The following ASTN2 variants were observed in gnomAD, a reference collection of about 807,000 sequenced individuals.
ASTN2 encodes astrotactin-2.
Under a neutral mutation model 139.8 loss-of-function variants are expected in ASTN2, and 54 were observed. The observed-to-expected ratio is 0.39, with a 90% CI of 0.31 to 0.48. ASTN2 has a LOEUF of 0.48. Ranked by LOEUF, ASTN2 falls within the 20% of genes least tolerant of loss-of-function variation. The pLI, the probability that ASTN2 is intolerant of heterozygous loss-of-function variation, is 0.95. For missense variants in ASTN2, 1,565 were observed against 1,725.1 expected (o/e 0.91, Z 1.64); for synonymous variants, 756 against 719.5 (o/e 1.05, Z -0.81).
rs12005145 is a variant in ASTN2, at chr9:117,311,646, C to T, written c.443-20133G>A. 1.0e-2 allele frequency among the ~76,000 whole-genome samples: 1,518 copies of T among 152,186 alleles called. 28 individuals carry two copies. Among genetic ancestry groups the T allele is most frequent in the African/African-American group, 0.035 (1,442 of 41,508 alleles). ...AAGAAATCAGGCAGCCTGCCATTCA[C>T]TCTCCAAAAAAAACCTCTTTATTGA... On this transcript the variant is annotated intron_variant, in intron 1 of 22. Coordinates refer to ENST00000313400, the MANE Select transcript of ASTN2 (RefSeq NM_001365068.1).
chr9:117,261,580 A>G (rs1484664893), intron 2 of ASTN2, among the ~76,000 whole-genome samples: 2 of 152,138 alleles, frequency 1.3e-5, no homozygotes, highest in Non-Finnish European at 2.9e-5. Context: ...GTTGAACTCC[A>G]AAGTCTGAAA....
intron 1 of ASTN2, among the ~76,000 whole-genome samples, chr9:117,313,974 A>G (rs937986734): frequency 7.2e-5 from 11 of 152,084 alleles, no homozygotes; most frequent in East Asian, 1.9e-4. Flanking sequence ...CTCCCTTCCT[A>G]AAAATTCCCT....
intron 13 of ASTN2, among the ~76,000 whole-genome samples, chr9:116,792,075 A>G (rs933265687): frequency 4.6e-5 from 7 of 152,156 alleles, no homozygotes; most frequent in Non-Finnish European, 7.3e-5. Context: ...TTAAAAAATT[A>G]AAGTGGCTAT....
chr9:117,046,833 A>C (rs1017664730), intron 5 of ASTN2, among the ~76,000 whole-genome samples: 1 of 152,218 alleles, frequency 6.6e-6, no homozygotes, highest in Non-Finnish European at 1.5e-5. Flanking sequence ...CATCTATTGA[A>C]TGAATGAATG....
chr9:116,736,272 T>A (rs1354787202), intron 13 of ASTN2, among the ~76,000 whole-genome samples: 1 of 152,238 alleles, frequency 6.6e-6, no homozygotes, highest in Admixed American at 6.5e-5. Context: ...TACTAAAAAA[T>A]GACCAGATTG....
At chr9:117,298,771 TCCC>T (rs1286320827) in intron 1 of ASTN2, among the ~76,000 whole-genome samples, 70 of 150,740 alleles carry the variant, frequency 4.6e-4, no homozygotes, top group African/African-American at 1.4e-3. Context: ...ACAGCTGACT[TCCC>T]TTATTGGATC....
At chr9:116,636,504 A>G (rs908260456) in intron 17 of ASTN2, among the ~76,000 whole-genome samples, 1 of 152,088 alleles carries the variant, frequency 6.6e-6, no homozygotes, top group African/African-American at 2.4e-5. Context: ...GTGAAACCCC[A>G]TCTCTATTAA....
At chr9:116,905,584 A>G (rs1301005897) in intron 10 of ASTN2, among the ~76,000 whole-genome samples, 2 of 152,170 alleles carry the variant, frequency 1.3e-5, no homozygotes, top group Non-Finnish European at 2.9e-5. Context: ...CCCGCCCCTC[A>G]CATTCACAGT....
At chr9:117,406,276 C>T (rs950043629) in intron 1 of ASTN2, among the ~76,000 whole-genome samples, 10 of 152,212 alleles carry the variant, frequency 6.6e-5, no homozygotes, top group African/African-American at 2.2e-4. Flanking sequence ...TCAGTAGAGA[C>T]TCCTTCAGGC....
intron 1 of ASTN2, among the ~76,000 whole-genome samples, chr9:117,379,728 G>A (rs538112335): frequency 1.1e-4 from 17 of 152,216 alleles, no homozygotes; most frequent in African/African-American, 2.4e-4. Context: ...TACTTAAAAC[G>A]AGAGAGAAAA....
intron 22 of ASTN2, among the ~76,000 whole-genome samples, chr9:116,426,981 C>T (rs878976515): frequency 7.2e-5 from 11 of 152,070 alleles, no homozygotes; most frequent in African/African-American, 9.7e-5. Context: ...AGAATTATTC[C>T]GTACTATGGA....
chr9:116,460,373 T>C (rs1848449972), intron 20 of ASTN2, among the ~76,000 whole-genome samples: 2 of 152,138 alleles, frequency 1.3e-5, no homozygotes, highest in African/African-American at 2.4e-5. Flanking sequence ...ATCCACTGAA[T>C]TGTAGCCTTA....
intron 20 of ASTN2, among the ~76,000 whole-genome samples, chr9:116,446,255 GGAGAGAGAGAGAGAGATAGAGAGAGAGA>G (rs1847987194): frequency 2.6e-5 from 3 of 114,030 alleles, no homozygotes; most frequent in Admixed American, 1.9e-4. Flanking sequence ...GAGGGGAGAG[GGAGAGAGAGAGAGAGATAGAGAGAGAGA>G]GAGAGAGAGA....
At chr9:116,912,071 A>T (rs1010706903) in intron 10 of ASTN2, among the ~76,000 whole-genome samples, 2 of 152,232 alleles carry the variant, frequency 1.3e-5, no homozygotes, top group African/African-American at 4.8e-5. Context: ...GGGTCAGGGC[A>T]CTGGAATCTG....
chr9:117,048,003 G>T (rs904623758), intron 5 of ASTN2, among the ~76,000 whole-genome samples: 32 of 151,926 alleles, frequency 2.1e-4, no homozygotes, highest in African/African-American at 7.0e-4. Context: ...CACATTTTTC[G>T]CTATGAGGAA....
chr9:116,689,914 A>C (rs1343621424), intron 16 of ASTN2, among the ~76,000 whole-genome samples: 1 of 152,190 alleles, frequency 6.6e-6, no homozygotes, highest in Non-Finnish European at 1.5e-5. Flanking sequence ...GGCTGAAGGC[A>C]GTCATACTCT....
chr9:116,564,975 G>T (rs1011037982), intron 19 of ASTN2, among the ~76,000 whole-genome samples: 1 of 151,946 alleles, frequency 6.6e-6, no homozygotes, highest in African/African-American at 2.4e-5. Flanking sequence ...AATTGAAGGA[G>T]GTAGACTTAG....
At chr9:116,579,446 T>C (rs1853859988) in intron 19 of ASTN2, among the ~76,000 whole-genome samples, 1 of 152,196 alleles carries the variant, frequency 6.6e-6, no homozygotes. Flanking sequence ...GGGTATAATG[T>C]GAGAAGCAGA....
chr9:116,468,164 C>T (rs1472503851), intron 20 of ASTN2, among the ~76,000 whole-genome samples: 2 of 152,216 alleles, frequency 1.3e-5, no homozygotes, highest in Non-Finnish European at 2.9e-5. Flanking sequence ...AAAGAAACCA[C>T]AACTCATTCT....
Sources: allele counts gnomAD v4.1 joint callset (sites outside exome capture counted in the v4.1 genomes callset), GRCh38; gene constraint gnomAD v4.1.1; transcripts MANE v1.5; gene names NCBI Gene and HGNC (gene_info 2026-07-23, HGNC 2026-07-21).